The following CUBN variants were observed in gnomAD, a reference collection of about 807,000 sequenced individuals.
CUBN encodes the protein 460 kDa receptor.
In CUBN, 282 loss-of-function variants were observed where a neutral mutation model predicts 405.3. The observed-to-expected ratio is 0.70, with a 90% CI of 0.63 to 0.77. The LOEUF (loss-of-function observed/expected upper bound fraction) is 0.77. Among genes scored for constraint, CUBN ranks in the 30% least tolerant of loss-of-function variants. The pLI, the probability that CUBN is intolerant of heterozygous loss-of-function variation, is 0.00. For missense variants in CUBN, 4,514 were observed against 4,475.2 expected, an observed-to-expected ratio of 1.01 and a Z score of -0.25; for synonymous variants, 1,684 against 1,617.0, an observed-to-expected ratio of 1.04 and a Z score of -0.99.
At position 17,115,598 on chromosome 10, in the gene CUBN, CTG is replaced by C; in HGVS notation, c.594-3_594-2del. On this transcript the variant is annotated splice_acceptor_variant and splice_polypyrimidine_tract_variant and intron_variant, in intron 6 of 66. Transcript: ENST00000377833. LOFTEE classifies it high-confidence loss of function. The stretch of plus-strand genomic sequence containing the variant: ...GTACGTCTCAGGTGGGCAGTGACAA[CTG>C]TTGGTTACACAAGAGCACAATGTCA... 6.2e-7 allele frequency: 1 copy of C among 1,614,208 alleles called. No individual in the cohort carries two copies.
intron 31 of CUBN, among the ~76,000 whole-genome samples, chr10:16,979,325 G>A (rs1434635119): frequency 3.3e-5 from 5 of 151,852 alleles, no homozygotes; most frequent in Admixed American, 6.6e-5. Flanking sequence ...CTTTCTTCAC[G>A]GAATTAGAAA....
chr10:17,081,911 T>C (rs1196117659), intron 17 of CUBN, among the ~76,000 whole-genome samples: 6 of 152,146 alleles, frequency 3.9e-5, no homozygotes, highest in African/African-American at 1.4e-4. Flanking sequence ...AATATAAAAA[T>C]CTATCTATTA....
At chr10:16,857,274 T>C (rs1265676613) in intron 59 of CUBN, among the ~76,000 whole-genome samples, 1 of 152,208 alleles carries the variant, frequency 6.6e-6, no homozygotes, top group Non-Finnish European at 1.5e-5. Flanking sequence ...CCCAGCTTAA[T>C]CTAAATTAAA....
intron 4 of CUBN, among the ~76,000 whole-genome samples, chr10:17,126,429 G>A (rs1372047944): frequency 1.3e-5 from 2 of 152,194 alleles, no homozygotes; most frequent in African/African-American, 4.8e-5. Flanking sequence ...GTCCCTGATG[G>A]GAGAATCAGC....
At position 17,047,458 on chromosome 10, in the gene CUBN, CAAGGA is replaced by C; in HGVS notation, c.3280_3284del (p.Ser1094GlyfsTer20). On this transcript the variant is annotated frameshift_variant, in exon 23 of 67. Transcript: ENST00000377833. LOFTEE classifies it high-confidence loss of function. Reference sequence around the variant, plus strand: ...TATAATAGTTTCCAATGGCTTCCTCCAAGGAGAAGTTTGTGAAGTGCACTGCAATC... The same window carrying C: ...TATAATAGTTTCCAATGGCTTCCTCCGAAGTTTGTGAAGTGCACTGCAATC... 1 of 1,613,886 alleles carries C rather than the reference CAAGGA, an allele frequency of 6.2e-7. No individual in the cohort carries two copies. The highest frequency in any genetic ancestry group is 8.5e-7 in the Non-Finnish European group (1 of 1,179,926).
At chr10:16,862,826 A>G (rs563259035) in intron 59 of CUBN, among the ~76,000 whole-genome samples, 3 of 152,304 alleles carry the variant, frequency 2.0e-5, no homozygotes, top group African/African-American at 7.2e-5. Context: ...TTTAGATTAC[A>G]CATAATAAGT....
chr10:16,905,522 C>T (rs1243148126), intron 50 of CUBN, among the ~76,000 whole-genome samples: 1 of 152,114 alleles, frequency 6.6e-6, no homozygotes, highest in Non-Finnish European at 1.5e-5. Context: ...CTTCATAAAT[C>T]CTGGAAGTTC....
At chr10:17,100,376 C>T (rs1836469362) in intron 13 of CUBN, 137 bp from the exon 14 acceptor site, 4 of 679,276 alleles carry the variant, frequency 5.9e-6, no homozygotes, top group Non-Finnish European at 1.1e-5. Context: ...TCCACCAGTA[C>T]ATATGGCAAT....
At chr10:16,981,725 G>A (rs1039677076) in intron 31 of CUBN, among the ~76,000 whole-genome samples, 3 of 152,114 alleles carry the variant, frequency 2.0e-5, no homozygotes, top group Non-Finnish European at 4.4e-5. Flanking sequence ...TCGTCTATTC[G>A]TGTGCTCCCT....
chr10:17,106,231 G>C (rs767479183), intron 10 of CUBN, among the ~76,000 whole-genome samples: 10 of 152,120 alleles, frequency 6.6e-5, no homozygotes, highest in Non-Finnish European at 1.5e-4. Flanking sequence ...GTTGTAGTGA[G>C]CTGAGATAGT....
chr10:17,094,832 C>G (rs905512294), intron 14 of CUBN, among the ~76,000 whole-genome samples: 20 of 151,962 alleles, frequency 1.3e-4, no homozygotes, highest in African/African-American at 4.6e-4. Context: ...AATGCCATCT[C>G]TAACAGAATT....
chr10:16,872,167 C>T (rs946768792), intron 58 of CUBN, among the ~76,000 whole-genome samples: 1 of 151,930 alleles, frequency 6.6e-6, no homozygotes, highest in East Asian at 1.9e-4. Flanking sequence ...TTGAACCCAG[C>T]AGGTGGAGGT....
At chr10:17,129,566 T>C in intron 1 of CUBN, 78 bp downstream of exon 1, 1 of 1,596,034 alleles carries the variant, frequency 6.3e-7, no homozygotes, top group African/African-American at 1.3e-5. Flanking sequence ...ATTGCACCTT[T>C]GTTTATCTGG....
chr10:17,069,410 T>G (rs894538170), intron 19 of CUBN, among the ~76,000 whole-genome samples: 2 of 152,228 alleles, frequency 1.3e-5, no homozygotes, highest in African/African-American at 2.4e-5. Context: ...AACTGCCAAC[T>G]GTTTTTCAAG....
At chr10:17,121,411 C>A (rs1171667957) in intron 6 of CUBN, among the ~76,000 whole-genome samples, 1 of 151,716 alleles carries the variant, frequency 6.6e-6, no homozygotes. Context: ...ATGGATGAAG[C>A]TGGAAACCAT....
rs1332400771 is a variant in CUBN at position 16,907,528 on chromosome 10, T to C, written c.7685A>G (p.Tyr2562Cys). The change falls in exon 49 of 67, where the codon TAT becomes TGT. Residue 2562 changes from tyrosine (Y) to cysteine (C), a missense_variant. By Grantham distance (194) the Tyr-to-Cys change is radical. Coordinates refer to ENST00000377833, the MANE Select transcript of CUBN (RefSeq NM_001081.4). ...ATTACCTGCATCTTCACTGGAGGTA[T>C]AGGAAGCAGTGAAGCCGCCATATGG... ...SRPYGGFTAS[Y>C]TSSEDAVCGG... 1 of 1,613,968 alleles carries C rather than the reference T, an allele frequency of 6.2e-7. No homozygotes were observed. The highest frequency in any genetic ancestry group is 1.3e-5 in the African/African-American group (1 of 74,904).
In CUBN at chr10:17,019,897, C is replaced by T. The variant is rs1480495431; in HGVS notation, c.4104G>A (p.Val1368=). ...GGCCAACCCCATCTGTAAGGAGCAG[C>T]ACTTGAAGCTTGGAGCTTGTAGTAC... ...PGSTTSSKLQ[V]LLLTDGVGRR... Residue 1368 remains valine (V), a synonymous_variant, in exon 28 of 67, where the codon GTG becomes GTA. Transcript: ENST00000377833. 3 of 1,614,032 alleles carry T rather than the reference C, an allele frequency of 1.9e-6. No individual in the cohort carries two copies. The highest frequency in any genetic ancestry group is 2.2e-5 in the East Asian group (1 of 44,882).
intron 40 of CUBN, among the ~76,000 whole-genome samples, chr10:16,931,199 G>A (rs1038660143): frequency 4.0e-5 from 6 of 151,770 alleles, no homozygotes; most frequent in African/African-American, 1.5e-4. Flanking sequence ...GGGAGGCAGA[G>A]TTTGCAGTGA....
At chr10:17,129,615 G>A in intron 1 of CUBN, 29 bp downstream of exon 1, 1 of 1,613,990 alleles carries the variant, frequency 6.2e-7, no homozygotes, top group East Asian at 2.2e-5. Flanking sequence ...CCTAGTCCCT[G>A]AGCAGGAATG....
Sources: allele counts gnomAD v4.1 joint callset (sites outside exome capture counted in the v4.1 genomes callset), GRCh38; gene constraint gnomAD v4.1.1; transcripts MANE v1.5; gene names NCBI Gene and HGNC (gene_info 2026-07-23, HGNC 2026-07-21).